SGCZ: variants seen among roughly 807,000 people sequenced by gnomAD.
SGCZ encodes zeta-sarcoglycan.
SGCZ carries 40 observed loss-of-function variants against 41.3 expected under a neutral mutation model. The observed-to-expected ratio is 0.97, with a 90% CI of 0.75 to 1.26. The LOEUF (loss-of-function observed/expected upper bound fraction) is 1.26, where lower values mean the gene tolerates loss of function less well. SGCZ is among the 50% of genes most tolerant of loss of function. The pLI is 0.00. For missense variants in SGCZ, 552 were observed against 369.8 expected (o/e 1.49, Z -4.04); for synonymous variants, 206 against 137.5 (o/e 1.50, Z -3.49).
intron 1 of SGCZ, among the ~76,000 whole-genome samples, chr8:14,765,024 T>G (rs1489922013): frequency 6.6e-6 from 1 of 152,164 alleles, no homozygotes; most frequent in Non-Finnish European, 1.5e-5. Flanking sequence ...AAGATGGAAA[T>G]GAAAGTTATA....
At chr8:14,619,165 T>C (rs1206320587) in intron 1 of SGCZ, among the ~76,000 whole-genome samples, 2 of 152,136 alleles carry the variant, frequency 1.3e-5, no homozygotes, top group African/African-American at 4.8e-5. Context: ...TAATCCAGCA[T>C]ATAAACAGAA....
intron 1 of SGCZ, among the ~76,000 whole-genome samples, chr8:14,669,607 C>G (rs1372348585): frequency 6.6e-6 from 1 of 151,784 alleles, no homozygotes; most frequent in Non-Finnish European, 1.5e-5. Context: ...TTTCACTTAG[C>G]AGAATGGCCT....
chr8:14,966,569 G>A (rs1047987111), intron 1 of SGCZ, among the ~76,000 whole-genome samples: 1 of 151,954 alleles, frequency 6.6e-6, no homozygotes, highest in Non-Finnish European at 1.5e-5. Flanking sequence ...AAGTATTTAA[G>A]AGCCTAATTT....
intron 1 of SGCZ, among the ~76,000 whole-genome samples, chr8:15,079,501 G>A (rs571054677): frequency 5.3e-5 from 8 of 152,164 alleles, no homozygotes; most frequent in South Asian, 2.1e-4. Flanking sequence ...TCACCTGTAC[G>A]CTTAAGCAAA....
chr8:14,245,611 A>C (rs186053665), intron 3 of SGCZ, among the ~76,000 whole-genome samples: 1,796 of 152,254 alleles, frequency 0.012, 13 homozygotes, highest in Non-Finnish European at 0.018. Context: ...TAATTAAACT[A>C]AAGAGCTTCT....
intron 1 of SGCZ, among the ~76,000 whole-genome samples, chr8:15,155,473 A>C (rs934169028): frequency 3.3e-5 from 5 of 152,176 alleles, no homozygotes; most frequent in Non-Finnish European, 7.3e-5. Flanking sequence ...TAGCAACTTC[A>C]ATTTTTAGTA....
At chr8:15,015,853 G>T (rs1016384598) in intron 1 of SGCZ, among the ~76,000 whole-genome samples, 1 of 150,056 alleles carries the variant, frequency 6.7e-6, no homozygotes, top group South Asian at 2.1e-4. Context: ...ATTCTTACTT[G>T]CAACTTATTG....
chr8:14,828,252 G>T (rs1368956216), intron 1 of SGCZ, among the ~76,000 whole-genome samples: 1 of 152,118 alleles, frequency 6.6e-6, no homozygotes, highest in Admixed American at 6.5e-5. Context: ...GGGATGAGAT[G>T]ATATTGAAGA....
At chr8:14,197,495 T>A (rs1472818252) in intron 4 of SGCZ, among the ~76,000 whole-genome samples, 1 of 152,056 alleles carries the variant, frequency 6.6e-6, no homozygotes, top group Non-Finnish European at 1.5e-5. Flanking sequence ...GGCTGGTATG[T>A]TCAGCCTTTG....
intron 1 of SGCZ, among the ~76,000 whole-genome samples, chr8:14,970,786 T>C (rs745850766): frequency 5.3e-5 from 8 of 152,184 alleles, no homozygotes; most frequent in Non-Finnish European, 7.4e-5. Flanking sequence ...ACTTTAGTTT[T>C]GTCCATTTCT....
intron 1 of SGCZ, among the ~76,000 whole-genome samples, chr8:14,876,759 T>A (rs569930471): frequency 6.6e-6 from 1 of 152,128 alleles, no homozygotes; most frequent in Admixed American, 6.5e-5. Context: ...CAAGAGGAAA[T>A]ATCAAGAATT....
At chr8:15,123,905 G>A (rs372241964) in intron 1 of SGCZ, among the ~76,000 whole-genome samples, 1 of 152,130 alleles carries the variant, frequency 6.6e-6, no homozygotes, top group Non-Finnish European at 1.5e-5. Context: ...CAAAGTGAAC[G>A]CTGGAGTGCT....
intron 2 of SGCZ, among the ~76,000 whole-genome samples, chr8:14,385,497 A>G (rs1464285126): frequency 6.6e-6 from 1 of 152,168 alleles, no homozygotes; most frequent in Non-Finnish European, 1.5e-5. Context: ...TCCACACCAT[A>G]CCTTTCAAAA....
intron 5 of SGCZ, among the ~76,000 whole-genome samples, chr8:14,119,412 G>A (rs1802624030): frequency 6.6e-6 from 1 of 152,120 alleles, no homozygotes; most frequent in South Asian, 2.1e-4. Flanking sequence ...CATAGATTTT[G>A]TATCCTGAGA....
At chr8:14,812,658 A>G (rs915081932) in intron 1 of SGCZ, among the ~76,000 whole-genome samples, 4 of 152,174 alleles carry the variant, frequency 2.6e-5, no homozygotes, top group African/African-American at 9.6e-5. Context: ...AAAATATCAT[A>G]TAATTCTTGC....
chr8:14,887,417 G>C (rs540005513), intron 1 of SGCZ, among the ~76,000 whole-genome samples: 1 of 151,792 alleles, frequency 6.6e-6, no homozygotes, highest in Non-Finnish European at 1.5e-5. Context: ...TACATCTTTA[G>C]GTATGCTAAT....
At chr8:14,744,119 AAAAC>A (rs3069637) in intron 1 of SGCZ, among the ~76,000 whole-genome samples, 5 of 151,324 alleles carry the variant, frequency 3.3e-5, no homozygotes, top group Admixed American at 6.6e-5. Context: ...AAAAATTTAA[AAAAC>A]AAACAAACAA....
At chr8:14,819,867 A>G (rs1802020823) in intron 1 of SGCZ, among the ~76,000 whole-genome samples, 2 of 152,208 alleles carry the variant, frequency 1.3e-5, no homozygotes, top group African/African-American at 4.8e-5. Flanking sequence ...AAGCAGATAC[A>G]CAAATAATAA....
intron 1 of SGCZ, among the ~76,000 whole-genome samples, chr8:14,918,780 A>C (rs1799510244): frequency 5.9e-5 from 9 of 152,240 alleles, no homozygotes; most frequent in Admixed American, 5.9e-4. Flanking sequence ...TCAGAGAATC[A>C]GCCTTCCTCA....
Sources: gnomAD v4.1 joint callset for allele counts (sites outside exome capture counted in the v4.1 genomes callset) on GRCh38, gnomAD v4.1.1 for gene constraint, MANE v1.5 for transcripts, NCBI Gene and HGNC (gene_info 2026-07-23, HGNC 2026-07-21) for gene names.